Variants in RTL4 observed in about 807,000 individuals in gnomAD.
RTL4 encodes the protein retrotransposon Gag like 4, also known as retrotransposon Gag-like protein 4.
In RTL4, 4 loss-of-function variants were observed where a neutral mutation model predicts 5.3. The observed-to-expected ratio is 0.75, with a 90% CI of 0.37 to 1.72. The LOEUF (loss-of-function observed/expected upper bound fraction) is 1.72, where lower values mean the gene tolerates loss of function less well. RTL4 is among the 40% of genes most tolerant of loss of function. The pLI is 0.04. For missense variants in RTL4, 260 were observed against 227.1 expected (o/e 1.14, Z -0.93); for synonymous variants, 98 against 87.3 (o/e 1.12, Z -0.68).
At chrX:112,351,016 T>G in the RTL4 span, among the ~76,000 whole-genome samples, 6 of 111,580 alleles carry the variant, frequency 5.4e-5, no homozygotes, top group Non-Finnish European at 9.4e-5. Flanking sequence ...TGCTATAAAT[T>G]TCCCTCTACA....
chrX:112,212,094 G>T, the RTL4 span, among the ~76,000 whole-genome samples: 1 of 112,316 alleles, frequency 8.9e-6, no homozygotes, highest in Non-Finnish European at 1.9e-5. Flanking sequence ...TAAAAGAAGT[G>T]GGCCGGGCGC....
chrX:112,187,002 T>TC, the RTL4 span, among the ~76,000 whole-genome samples: 1 of 111,911 alleles, frequency 8.9e-6, no homozygotes, highest in Non-Finnish European at 1.9e-5. Flanking sequence ...ATGTTAGTTG[T>TC]CAGTGGCTGA....
At chrX:112,266,443 T>C in the RTL4 span, among the ~76,000 whole-genome samples, 1 of 110,406 alleles carries the variant, frequency 9.1e-6, no homozygotes, top group Non-Finnish European at 1.9e-5. Flanking sequence ...TGACAAATGT[T>C]ATTTAGGACT....
the RTL4 span, among the ~76,000 whole-genome samples, chrX:112,375,558 T>C: frequency 8.0e-4 from 89 of 111,412 alleles, no homozygotes; most frequent in Admixed American, 1.6e-3. Flanking sequence ...GTGTCTCTGT[T>C]AGCACTAAAC....
At chrX:112,125,525 G>T in the RTL4 span, among the ~76,000 whole-genome samples, 1 of 111,783 alleles carries the variant, frequency 8.9e-6, no homozygotes, top group South Asian at 3.8e-4. Flanking sequence ...TTTAAGGACA[G>T]AAATGTCCTA....
the RTL4 span, among the ~76,000 whole-genome samples, chrX:112,146,028 C>T: frequency 5.7e-4 from 64 of 112,190 alleles, no homozygotes; most frequent in African/African-American, 2.0e-3. Flanking sequence ...GATTTTAAAA[C>T]GATCACTCTG....
At chrX:112,267,246 G>A in the RTL4 span, among the ~76,000 whole-genome samples, 1 of 111,835 alleles carries the variant, frequency 8.9e-6, no homozygotes, top group Non-Finnish European at 1.9e-5. Context: ...CTTTTGCCTC[G>A]ATCACTCCAT....
the RTL4 span, among the ~76,000 whole-genome samples, chrX:112,380,881 G>T: frequency 1.8e-5 from 2 of 111,966 alleles, no homozygotes; most frequent in African/African-American, 6.5e-5. Flanking sequence ...GTCCCCTGGA[G>T]GAAGGCCAGA....
the RTL4 span, among the ~76,000 whole-genome samples, chrX:112,115,907 G>A: frequency 8.9e-6 from 1 of 112,247 alleles, no homozygotes; most frequent in Non-Finnish European, 1.9e-5. Flanking sequence ...TCGCTTGGGC[G>A]AGTGACTTTG....
the RTL4 span, among the ~76,000 whole-genome samples, chrX:112,328,139 C>G: frequency 9.2e-6 from 1 of 108,933 alleles, no homozygotes; most frequent in Non-Finnish European, 1.9e-5. Context: ...ATGACAGGAT[C>G]AAATTCACAC....
the RTL4 span, among the ~76,000 whole-genome samples, chrX:112,296,507 T>C: frequency 9.0e-6 from 1 of 111,600 alleles, no homozygotes; most frequent in Admixed American, 9.5e-5. Flanking sequence ...TACTGAGCAG[T>C]TGGTCTCAGT....
At chrX:112,330,486 A>G in the RTL4 span, among the ~76,000 whole-genome samples, 1 of 110,888 alleles carries the variant, frequency 9.0e-6, no homozygotes, top group Non-Finnish European at 1.9e-5. Flanking sequence ...ACTACAAATC[A>G]CTGCTCAAGG....
chrX:112,411,532 C>T, the RTL4 span, among the ~76,000 whole-genome samples: 1 of 111,025 alleles, frequency 9.0e-6, no homozygotes, highest in African/African-American at 3.3e-5. Context: ...ATCTCAGGAA[C>T]ACAAGGATGG....
At chrX:112,268,906 T>A in the RTL4 span, among the ~76,000 whole-genome samples, 14 of 111,924 alleles carry the variant, frequency 1.3e-4, no homozygotes, top group African/African-American at 4.5e-4. Flanking sequence ...AATGGCATAA[T>A]CATTTTCCCA....
At chrX:112,379,116 G>T in the RTL4 span, among the ~76,000 whole-genome samples, 1 of 112,710 alleles carries the variant, frequency 8.9e-6, no homozygotes, top group Non-Finnish European at 1.9e-5. Flanking sequence ...AAGTGCAGCA[G>T]TGGGTGTCTC....
chrX:112,250,396 C>T, the RTL4 span, among the ~76,000 whole-genome samples: 10 of 111,494 alleles, frequency 9.0e-5, no homozygotes, highest in African/African-American at 2.9e-4. Context: ...GTTGTGCTTG[C>T]TCAATTGTCT....
At chrX:112,151,244 A>G in the RTL4 span, among the ~76,000 whole-genome samples, 1 of 112,002 alleles carries the variant, frequency 8.9e-6, no homozygotes, top group African/African-American at 3.2e-5. Context: ...GATACATTTT[A>G]TTTTTTGTCT....
the RTL4 span, among the ~76,000 whole-genome samples, chrX:112,339,639 G>A: frequency 8.9e-6 from 1 of 112,407 alleles, no homozygotes; most frequent in Non-Finnish European, 1.9e-5. Flanking sequence ...CATCATGGGC[G>A]CTAACAATGA....
chrX:112,111,925 A>G, the RTL4 span, among the ~76,000 whole-genome samples: 2 of 111,773 alleles, frequency 1.8e-5, no homozygotes, highest in Non-Finnish European at 3.8e-5. Flanking sequence ...GGCCGCACAC[A>G]TGTGTATTTG....
Sources: gnomAD v4.1 joint callset for allele counts (sites outside exome capture counted in the v4.1 genomes callset) on GRCh38, gnomAD v4.1.1 for gene constraint, MANE v1.5 for transcripts, NCBI Gene and HGNC (gene_info 2026-07-23, HGNC 2026-07-21) for gene names.